The following DDX18 variants were observed in gnomAD, a reference collection of about 807,000 sequenced individuals.
DDX18 encodes the protein ATP-dependent RNA helicase DDX18.
Under a neutral mutation model 73.5 loss-of-function variants are expected in DDX18, and 23 were observed. The observed-to-expected ratio is 0.31, with a 90% confidence interval of 0.23 to 0.44. The LOEUF (loss-of-function observed/expected upper bound fraction) is 0.44. DDX18 is among the 20% of genes least tolerant of loss of function. The pLI is 1.00. For missense variants in DDX18, 753 were observed against 792.9 expected (o/e 0.95, Z 0.60); for synonymous variants, 268 against 282.7 (o/e 0.95, Z 0.52).
intron 10 of DDX18, 43 bp from the exon 11 acceptor site, chr2:117,826,226 T>C: frequency 6.4e-7 from 1 of 1,562,542 alleles, no homozygotes; most frequent in Non-Finnish European, 8.8e-7. Context: ...TGGGCTCATG[T>C]GGAAGTCACT....
Position 117,821,843 on chromosome 2 carries a change from T to C in DDX18, c.752-19T>C, listed in dbSNP as rs751360156. 1.2e-6 allele frequency: 2 copies of C among 1,613,868 alleles called. No homozygotes were observed. The highest frequency in any genetic ancestry group is 1.7e-6 in the Non-Finnish European group (2 of 1,179,794). ...GTGGTGACAGCCACATTTAGACTTC[T>C]ACCATATATCATTTTTAGGAACAGG... is the stretch of plus-strand genomic sequence containing the variant. On this transcript the variant is annotated intron_variant, in intron 5 of 13. Transcript: ENST00000263239.
Position 117,828,961 on chromosome 2 carries a change from G to A in DDX18, c.1648G>A (p.Glu550Lys). 5 of 1,610,548 alleles carry A rather than the reference G, an allele frequency of 3.1e-6. No homozygotes were observed. Among genetic ancestry groups the A allele is most frequent in the Non-Finnish European group, 3.4e-6 (4 of 1,176,972 alleles). ...TTTTGATTTCTAGGTTCCATTAAGT[G>A]AATTTGACTTTTCCTGGTCTAAAAT... ...YLKQSKVPLS[E>K]FDFSWSKISD... is the part of the protein sequence containing the mutation. Residue 550 changes from glutamate to lysine, a missense_variant, in exon 12 of 14, where the codon GAA becomes AAA. Physicochemically the swap from Glu to Lys is moderately conservative, Grantham distance 56 (BLOSUM62 1). This residue lies in a region of DDX18 where 402 missense variants were observed against 419.4 expected (regional missense o/e 0.96). Coordinates refer to ENST00000263239, the MANE Select transcript of DDX18 (RefSeq NM_006773.4).
rs1348719611 is a variant in DDX18 at position 117,814,740 on chromosome 2, A to G, written c.-38A>G. The G allele has an allele frequency of 1.2e-6, 2 of 1,607,240 alleles. No individual in the cohort carries two copies. Among genetic ancestry groups the G allele is most frequent in the South Asian group, 1.1e-5 (1 of 90,910 alleles). On this transcript the variant is annotated 5_prime_UTR_variant, in exon 1 of 14. Coordinates refer to ENST00000263239, the MANE Select transcript of DDX18 (RefSeq NM_006773.4). ...GTCAGCCTGAGAACTGAGTAGCTGT[A>G]CTGTGTGGCGCCTTATTCTAGGCAC...
intron 1 of DDX18, among the ~76,000 whole-genome samples, chr2:117,816,878 G>A (rs13432548): frequency 0.34 from 52,341 of 152,004 alleles, 9,803 homozygotes; most frequent in African/African-American, 0.48. Flanking sequence ...TGGAGCCACT[G>A]TATATGTTGT....
At chr2:117,823,393 C>CT (rs1382540765) in intron 7 of DDX18, among the ~76,000 whole-genome samples, 1 of 152,156 alleles carries the variant, frequency 6.6e-6, no homozygotes, top group African/African-American at 2.4e-5. Flanking sequence ...AGATTTATCT[C>CT]TGAGTGTTTC....
At chr2:117,821,372 T>G in intron 4 of DDX18, 76 bp downstream of exon 4, 1 of 1,503,150 alleles carries the variant, frequency 6.7e-7, no homozygotes, top group South Asian at 1.3e-5. Context: ...TACCAGTATA[T>G]TCTGTTGATT....
chr2:117,824,426 T>C (rs1397389938), intron 7 of DDX18, 143 bp from the exon 8 acceptor site: 3 of 790,668 alleles, frequency 3.8e-6, no homozygotes, highest in East Asian at 6.6e-5. Context: ...ATATACCCTT[T>C]TTACCTTTTG....
rs59119058 is a variant in DDX18 at position 117,826,034 on chromosome 2, C to CTTTTTT, written c.1522-212_1522-207dup. On this transcript the variant is annotated intron_variant, in intron 10 of 13. Transcript: ENST00000263239. ...TGTTAATGCAAACATCATGTCCAGCCTTTTTTTTTTTTTTTTTTTTTTTTT... is the reference window on the plus strand; with the variant it reads ...TGTTAATGCAAACATCATGTCCAGCCTTTTTTTTTTTTTTTTTTTTTTTTTTTTTTT... 3.2e-3 allele frequency: 315 copies of CTTTTTT among 97,308 alleles called. 60 individuals are homozygous for CTTTTTT. The highest frequency in any genetic ancestry group is 0.022 in the African/African-American group (270 of 12,064). The allele number at this position is 97,308 out of a possible 1,614,324, so 6.0% of individuals were successfully genotyped here. A position where few individuals can be genotyped will look rare whatever the true frequency, so the allele number is the denominator to read the frequency against.
chr2:117,820,567 T>A (rs935960859), intron 3 of DDX18, among the ~76,000 whole-genome samples: 2 of 152,210 alleles, frequency 1.3e-5, no homozygotes, highest in African/African-American at 4.8e-5. Context: ...CAGCAAAGAA[T>A]TATTCAGCCC....
At position 117,825,552 on chromosome 2, in the gene DDX18, C is replaced by T. The variant is rs772744602; in HGVS notation, c.1474C>T (p.Pro492Ser). 1 of 1,614,142 alleles carries T rather than the reference C, an allele frequency of 6.2e-7. No individual in the cohort carries two copies. Among genetic ancestry groups the T allele is most frequent in the African/African-American group, 1.3e-5 (1 of 75,034 alleles). ...TGTGGCAGCGAGAGGACTAGACATT[C>T]CTGAAGTCGACTGGATTGTTCAGTA... Reference protein sequence around the residue: ...TDVAARGLDIPEVDWIVQYDP... With the variant: ...TDVAARGLDISEVDWIVQYDP... The change falls in exon 10 of 14, where the codon CCT (proline) becomes TCT (serine). Residue 492 changes from proline to serine, a missense_variant. Pro to Ser is a moderately conservative substitution (Grantham distance 74). Coordinates refer to ENST00000263239, the MANE Select transcript of DDX18 (RefSeq NM_006773.4).
chr2:117,821,259 A>G lies in DDX18; in HGVS notation c.613A>G (p.Ile205Val), dbSNP rs752686065. ...AATGGGTTTTACAAACATGACTGAA[A>G]TTCAGCATAAAAGTATCAGACCACT... ...KEMGFTNMTE[I>V]QHKSIRPLLE... The change falls in exon 4 of 14, where the codon ATT becomes GTT. Residue 205 changes from isoleucine to valine, a missense_variant. Transcript: ENST00000263239. 1.2e-4 allele frequency: 199 copies of G among 1,611,448 alleles called. No homozygotes were observed. Among genetic ancestry groups the G allele is most frequent in the Non-Finnish European group, 1.6e-4 (190 of 1,179,194 alleles).
chr2:117,821,502 T>C (rs755990077), intron 4 of DDX18, 148 bp from the exon 5 acceptor site: 24 of 1,074,040 alleles, frequency 2.2e-5, no homozygotes, highest in Non-Finnish European at 2.9e-5. Context: ...TTCTGACTTA[T>C]GATTTCAGTA....
intron 9 of DDX18, 112 bp downstream of exon 9, chr2:117,825,213 C>T (rs1429424950): frequency 7.2e-7 from 1 of 1,383,064 alleles, no homozygotes; most frequent in Non-Finnish European, 9.9e-7. Context: ...GTAGTTTGAT[C>T]ACCACTAGAT....
rs1680013088 is a variant in DDX18 at position 117,830,925 on chromosome 2, C to G, written c.*201C>G. ...GGGATATAAAACAGGCTTTAAGTTT[C>G]TTGGTTGCCCAAGGGCAGAGCAAGG... On this transcript the variant is annotated 3_prime_UTR_variant, in exon 14 of 14. Coordinates refer to ENST00000263239, the MANE Select transcript of DDX18 (RefSeq NM_006773.4). 4 of 599,032 alleles carry G rather than the reference C, an allele frequency of 6.7e-6. No individual in the cohort carries two copies. Among genetic ancestry groups the G allele is most frequent in the Non-Finnish European group, 1.1e-5 (4 of 358,246 alleles). The allele number at this position is 599,032 out of a possible 1,614,324, so 37.1% of individuals were successfully genotyped here.
chr2:117,821,390 A>G (rs1326961521), intron 4 of DDX18, 94 bp downstream of exon 4: 4 of 1,435,044 alleles, frequency 2.8e-6, no homozygotes, highest in Non-Finnish European at 3.8e-6. Context: ...ATTTTGTACT[A>G]TATGTTGGGT....
intron 7 of DDX18, chr2:117,822,681 C>G (rs34849568): frequency 0.024 from 3,851 of 162,150 alleles, 163 homozygotes; most frequent in African/African-American, 0.086. Context: ...ATAATTATAT[C>G]TACCCATTTA....
chr2:117,822,360 A>G, intron 7 of DDX18, 99 bp downstream of exon 7: 2 of 877,308 alleles, frequency 2.3e-6, no homozygotes, highest in East Asian at 5.2e-5. Flanking sequence ...GAACTTTACC[A>G]TAGCCAAGTG....
At chr2:117,822,905 C>G (rs1679870484) in intron 7 of DDX18, 1 of 152,474 alleles carries the variant, frequency 6.6e-6, no homozygotes, top group Non-Finnish European at 1.5e-5. Flanking sequence ...AATAAAGTTG[C>G]TGTGAACAGT....
In DDX18 at chr2:117,831,087, G is replaced by T. The variant is rs553605185; in HGVS notation, c.*363G>T. On this transcript the variant is annotated 3_prime_UTR_variant, in exon 14 of 14. Transcript: ENST00000263239. ...TGCGAAGATTTTTGTGGCATGGATT[G>T]CTGTGCTCACTGCTGTAAAAGGTGA... The T allele has an allele frequency of 1.3e-4, 28 of 215,054 alleles. No homozygotes were observed. The South Asian group carries it at 1.9e-3, about 15-fold the overall frequency. The allele number at this position is 215,054 out of a possible 1,614,324, so 13.3% of individuals were successfully genotyped here. A position where few individuals can be genotyped will look rare whatever the true frequency, so the allele number is the denominator to read the frequency against.
Sources: allele counts gnomAD v4.1 joint callset (sites outside exome capture counted in the v4.1 genomes callset), GRCh38; gene constraint gnomAD v4.1.1; regional missense constraint gnomAD v4.1.1; transcripts MANE v1.5; gene names NCBI Gene and HGNC (gene_info 2026-07-23, HGNC 2026-07-21).